PI16: variants seen among roughly 807,000 people sequenced by gnomAD.
PI16 encodes the protein peptidase inhibitor 16, also known as PSP94-binding protein.
In PI16, 35 loss-of-function variants were observed where a neutral mutation model predicts 38.0. The observed-to-expected ratio is 0.92, with a 90% CI of 0.70 to 1.22. The LOEUF (loss-of-function observed/expected upper bound fraction) is 1.22. Ranked by LOEUF, PI16 falls within the 50% of genes most tolerant of loss-of-function variation. The pLI, the probability that PI16 is intolerant of heterozygous loss-of-function variation, is 0.00. For synonymous variants in PI16, 275 were observed against 252.9 expected, an observed-to-expected ratio of 1.09 and a Z score of -0.83; for missense variants, 572 against 593.8, an observed-to-expected ratio of 0.96 and a Z score of 0.38.
At chr6:36,960,796 C>T (rs912821077) in intron 2 of PI16, among the ~76,000 whole-genome samples, 8 of 152,136 alleles carry the variant, frequency 5.3e-5, no homozygotes, top group African/African-American at 1.4e-4. Context: ...GTGCTCAACA[C>T]GGGGAGACCT....
intron 1 of PI16, 31 bp from the exon 2 acceptor site, chr6:36,959,114 C>A: frequency 6.3e-7 from 1 of 1,575,462 alleles, no homozygotes; most frequent in Non-Finnish European, 8.6e-7. Flanking sequence ...CTGTGGGCAT[C>A]CTCACCTCCC....
At chr6:36,954,042 C>A (rs569767231), upstream of PI16, among the ~76,000 whole-genome samples, 5 of 152,216 alleles carry the variant, frequency 3.3e-5, no homozygotes, top group African/African-American at 1.2e-4. Context: ...GGCCTCTCCC[C>A]CCGCAGGCAA....
rs1763438140 is a variant in PI16, at chr6:36,963,741, C to A, written c.1271-82C>A. The A allele has an allele frequency of 3.9e-6, 6 of 1,532,444 alleles. No homozygotes were observed. In the East Asian group the frequency reaches 1.1e-4, roughly 29 times the overall value. 94.9% of individuals were successfully genotyped at this position (1,532,444 alleles called of 1,614,324 possible). On this transcript the variant is annotated intron_variant, in intron 5 of 6. Coordinates refer to ENST00000373674, the MANE Select transcript of PI16 (RefSeq NM_153370.3). ...TAGGAGCTTCCTCCCTGGCTGCTGC[C>A]CCACCTCCTTGCATGGTGGGGTGGG...
In PI16 at chr6:36,962,062, C is replaced by T. The variant is rs1187454446; in HGVS notation, c.592+88C>T. ...GGTCTAAGAGCCTCCCTGGACTGAG[C>T]GGGACGTGGGCAGGGAAGGAGCCTG... is the stretch of plus-strand genomic sequence containing the variant. On this transcript the variant is annotated intron_variant, in intron 4 of 6. Coordinates refer to ENST00000373674, the MANE Select transcript of PI16 (RefSeq NM_153370.3). The surrounding 1 kb of genome is among the most constrained non-coding windows in gnomAD (Gnocchi z 4.1). 5.1e-6 allele frequency: 6 copies of T among 1,179,882 alleles called. No individual in the cohort carries two copies. The highest frequency in any genetic ancestry group is 7.5e-6 in the Non-Finnish European group (6 of 795,382). The allele number at this position is 1,179,882 out of a possible 1,614,324, so 73.1% of individuals were successfully genotyped here.
intron 1 of PI16, among the ~76,000 whole-genome samples, chr6:36,956,698 G>T (rs1162826518): frequency 6.6e-6 from 1 of 152,228 alleles, no homozygotes; most frequent in East Asian, 1.9e-4. Flanking sequence ...TCTGTAAAAT[G>T]GGGATGATAA....
upstream of PI16, chr6:36,954,640 G>A (rs1304923589): frequency 7.5e-6 from 11 of 1,458,520 alleles, no homozygotes; most frequent in East Asian, 9.6e-5. Context: ...TGTGTGAGTC[G>A]GGCTGGGCCT....
chr6:36,952,273 C>T (rs9470445), upstream of PI16, among the ~76,000 whole-genome samples: 18,567 of 152,126 alleles, frequency 0.12, 1,256 homozygotes, highest in Middle Eastern at 0.22. Flanking sequence ...GGATTACAGG[C>T]ATGAGCCACT....
chr6:36,963,455 C>T lies in PI16; in HGVS notation c.1113C>T (p.Ala371=). The change falls in exon 5 of 7, where the codon GCC becomes GCT. Residue 371 remains alanine (A), a synonymous_variant. Transcript: ENST00000373674. Reference sequence around the variant, plus strand: ...TGCCTCCTTCCAGTGAGGTCTTGGCCTCAGTTTTTCCAGCCCAGGACAAGC... The same window carrying T: ...TGCCTCCTTCCAGTGAGGTCTTGGCTTCAGTTTTTCCAGCCCAGGACAAGC... ...AELPPSSEVL[A]SVFPAQDKPG... 1 of 1,614,180 alleles carries T rather than the reference C, an allele frequency of 6.2e-7. No individual in the cohort carries two copies. The highest frequency in any genetic ancestry group is 8.5e-7 in the Non-Finnish European group (1 of 1,180,050).
chr6:36,957,141 C>T (rs1276485133), intron 1 of PI16, among the ~76,000 whole-genome samples: 1 of 152,220 alleles, frequency 6.6e-6, no homozygotes, highest in Admixed American at 6.5e-5. Flanking sequence ...TGGCTCCCTA[C>T]TGCTTCAGGT....
chr6:36,955,505 A>G (rs1194573534), intron 1 of PI16, among the ~76,000 whole-genome samples: 1 of 152,184 alleles, frequency 6.6e-6, no homozygotes, highest in African/African-American at 2.4e-5. Context: ...GGTCACCTAC[A>G]AGACCTATGA....
rs763905335 is a variant in PI16, at chr6:36,962,245, C to G, written c.592+271C>G. Among the ~76,000 whole-genome samples, 2 of 152,120 alleles carry G rather than the reference C, an allele frequency of 1.3e-5. No individual in the cohort carries two copies. The highest frequency in any genetic ancestry group is 2.9e-5 in the Non-Finnish European group (2 of 68,026). On this transcript the variant is annotated intron_variant, in intron 4 of 6. Coordinates refer to ENST00000373674, the MANE Select transcript of PI16 (RefSeq NM_153370.3). The surrounding 1 kb of genome is among the most constrained non-coding windows in gnomAD (Gnocchi z 4.1). ...GGGGGGGCCCGCGCGAGGTGGGTGTCGCCACACTTTAGGGTCTCGAGGAGC... is the reference window on the plus strand; with the variant it reads ...GGGGGGGCCCGCGCGAGGTGGGTGTGGCCACACTTTAGGGTCTCGAGGAGC...
chr6:36,959,949 G>A (rs1354531882), intron 2 of PI16, among the ~76,000 whole-genome samples: 1 of 151,934 alleles, frequency 6.6e-6, no homozygotes, highest in Non-Finnish European at 1.5e-5. Flanking sequence ...GTGTCACAGA[G>A]CCAATTTTAT....
chr6:36,961,980 T>C lies in PI16; in HGVS notation c.592+6T>C. ...CTGCAAGAACTCCCTCTGTGGTGAG[T>C]CCACGGGTGGATGGGTAGGGGCAGG... On this transcript the variant is annotated splice_donor_region_variant and intron_variant, in intron 4 of 6. Coordinates refer to ENST00000373674, the MANE Select transcript of PI16 (RefSeq NM_153370.3). 5.6e-6 allele frequency: 9 copies of C among 1,610,772 alleles called. No homozygotes were observed. The highest frequency in any genetic ancestry group is 7.6e-6 in the Non-Finnish European group (9 of 1,177,100).
At chr6:36,956,551 C>T (rs1292247892) in intron 1 of PI16, among the ~76,000 whole-genome samples, 3 of 152,184 alleles carry the variant, frequency 2.0e-5, no homozygotes, top group Non-Finnish European at 4.4e-5. Context: ...ACATTCAGGA[C>T]AAGACTCAGG....
chr6:36,957,300 C>T (rs1250849014), intron 1 of PI16, among the ~76,000 whole-genome samples: 2 of 152,190 alleles, frequency 1.3e-5, no homozygotes, highest in Non-Finnish European at 2.9e-5. Flanking sequence ...CATGCCTTTG[C>T]TGATGTGTAC....
Position 36,959,334 on chromosome 6 carries a change from A to C in PI16, c.361A>C (p.Ser121Arg). Residue 121 changes from serine (S) to arginine (R), a missense_variant, in exon 2 of 7, where the codon AGC (serine) becomes CGC (arginine). Ser to Arg is a moderately radical substitution (Grantham distance 110, BLOSUM62 -1). Transcript: ENST00000373674. Reference protein sequence around the residue: ...EHYNLSAATCSPGQMCGHYTQ... With the variant: ...EHYNLSAATCRPGQMCGHYTQ... ...CTACAACCTCAGCGCCGCCACCTGC[A>C]GCCCAGGCCAGATGTGCGGCCACTA... 1 of 1,567,838 alleles carries C rather than the reference A, an allele frequency of 6.4e-7. No individual in the cohort carries two copies. Among genetic ancestry groups the C allele is most frequent in the Non-Finnish European group, 8.6e-7 (1 of 1,156,652 alleles).
Position 36,962,465 on chromosome 6 carries a change from C to CTTTTCTT in PI16, c.593-459_593-453dup, listed in dbSNP as rs546594355. 5.8e-3 allele frequency among the ~76,000 whole-genome samples: 886 copies of CTTTTCTT among 152,254 alleles called. 5 individuals carry two copies. The highest frequency in any genetic ancestry group is 7.4e-3 in the Non-Finnish European group (503 of 68,008). ...AATCACCAGAAGTAACGTTTCTTTT[C>CTTTTCTT]TTTTCTTTTTTCTTTTTCTTTTTTT... On this transcript the variant is annotated intron_variant, in intron 4 of 6. Coordinates refer to ENST00000373674, the MANE Select transcript of PI16 (RefSeq NM_153370.3). The surrounding 1 kb of genome is among the most constrained non-coding windows in gnomAD (Gnocchi z 4.1).
At chr6:36,956,279 C>CAGCTCTGCCAAA (rs1763204462) in intron 1 of PI16, among the ~76,000 whole-genome samples, 1 of 152,232 alleles carries the variant, frequency 6.6e-6, no homozygotes, top group African/African-American at 2.4e-5. Flanking sequence ...GTCACAGATG[C>CAGCTCTGCCAAA]AGCTCTGCCA....
At position 36,963,011 on chromosome 6, in the gene PI16, A is replaced by G. The variant is rs1248276265; in HGVS notation, c.669A>G (p.Glu223=). The change falls in exon 5 of 7, where the codon GAA becomes GAG. Residue 223 remains glutamate, a synonymous_variant. Coordinates refer to ENST00000373674, the MANE Select transcript of PI16 (RefSeq NM_153370.3). ...AGGCCCCATCCTTCCGGGCGACTGAAGCATCAGACTCTAGGAAAATGGGTA... is the reference window on the plus strand; with the variant it reads ...AGGCCCCATCCTTCCGGGCGACTGAGGCATCAGACTCTAGGAAAATGGGTA... ...VTEAPSFRAT[E]ASDSRKMGTP... 2 of 1,614,086 alleles carry G rather than the reference A, an allele frequency of 1.2e-6. No individual in the cohort carries two copies. The highest frequency in any genetic ancestry group is 2.7e-5 in the African/African-American group (2 of 74,938).
Sources: gnomAD v4.1 joint callset for allele counts (sites outside exome capture counted in the v4.1 genomes callset) on GRCh38, gnomAD v4.1.1 for gene constraint, Gnocchi (gnomAD v3.1) non-coding constraint, MANE v1.5 for transcripts, NCBI Gene and HGNC (gene_info 2026-07-23, HGNC 2026-07-21) for gene names.